Variants in SAXO1 observed in about 807,000 individuals in gnomAD.
The protein encoded by SAXO1 is 4930500O09Rik.
Under a neutral mutation model 17.5 loss-of-function variants are expected in SAXO1, and 21 were observed. The observed-to-expected ratio is 1.20, with a 90% CI of 0.85 to 1.72. The LOEUF (loss-of-function observed/expected upper bound fraction) is 1.72, where lower values mean the gene tolerates loss of function less well. Among genes scored for constraint, SAXO1 ranks in the 40% most tolerant of loss-of-function variants. The probability of loss-of-function intolerance (pLI) is 0.00; values close to 1 mark genes in which losing one functional copy is unlikely to be tolerated. For synonymous variants in SAXO1, 274 were observed against 216.5 expected, an observed-to-expected ratio of 1.27 and a Z score of -2.33; for missense variants, 843 against 596.0, an observed-to-expected ratio of 1.41 and a Z score of -4.32.
chr9:18,946,012 C>G (rs1831778214), intron 2 of SAXO1, among the ~76,000 whole-genome samples: 1 of 152,106 alleles, frequency 6.6e-6, no homozygotes, highest in South Asian at 2.1e-4. Flanking sequence ...CACGGTGGCC[C>G]ATGCTTGTAA....
chr9:19,000,441 G>A (rs536074590), intron 1 of SAXO1, among the ~76,000 whole-genome samples: 2 of 151,492 alleles, frequency 1.3e-5, no homozygotes, highest in South Asian at 2.1e-4. Flanking sequence ...GAATGCCTCT[G>A]CCAGGCCGCC....
At chr9:19,026,734 T>C (rs1186788867) in intron 1 of SAXO1, among the ~76,000 whole-genome samples, 1 of 152,206 alleles carries the variant, frequency 6.6e-6, no homozygotes, top group Non-Finnish European at 1.5e-5. Flanking sequence ...GGTGGTTTAA[T>C]ATTATAAAAT....
At chr9:19,012,177 G>T (rs184264132) in intron 1 of SAXO1, among the ~76,000 whole-genome samples, 2 of 152,258 alleles carry the variant, frequency 1.3e-5, no homozygotes, top group Admixed American at 1.3e-4. Context: ...GAGGAAAAAA[G>T]ATGAGGCATA....
At chr9:18,967,985 C>T (rs1331880174) in intron 1 of SAXO1, among the ~76,000 whole-genome samples, 3 of 152,140 alleles carry the variant, frequency 2.0e-5, no homozygotes, top group East Asian at 3.9e-4. Context: ...TCACAGCCTC[C>T]GATGGCTAAG....
At position 18,927,943 on chromosome 9, in the gene SAXO1, TG is replaced by T. The variant is rs1266771926; in HGVS notation, c.*108del. 2 of 1,267,482 alleles carry T rather than the reference TG, an allele frequency of 1.6e-6. No homozygotes were observed. Among genetic ancestry groups the T allele is most frequent in the Admixed American group, 4.8e-5 (2 of 41,718 alleles). The allele number at this position is 1,267,482 out of a possible 1,614,324, so 78.5% of individuals were successfully genotyped here. On this transcript the variant is annotated 3_prime_UTR_variant, in exon 4 of 4. Transcript: ENST00000380534. Reference sequence around the variant, plus strand: ...TGCTCTGGAAGTGGTGAAGGTTTTTTGTTTTTTGTTTTTTGTCATTTTAGGG... The same window carrying T: ...TGCTCTGGAAGTGGTGAAGGTTTTTTTTTTTTGTTTTTTGTCATTTTAGGG...
At chr9:19,031,330 G>C (rs1588565374) in intron 1 of SAXO1, among the ~76,000 whole-genome samples, 1 of 152,120 alleles carries the variant, frequency 6.6e-6, no homozygotes, top group South Asian at 2.1e-4. Flanking sequence ...GGGAGGCCGA[G>C]GCAGGCGATC....
intron 1 of SAXO1, among the ~76,000 whole-genome samples, chr9:19,000,989 G>C (rs1383403626): frequency 6.6e-6 from 1 of 152,092 alleles, no homozygotes; most frequent in Non-Finnish European, 1.5e-5. Context: ...AATAATAATG[G>C]AAGACTTTAA....
At chr9:18,965,909 T>G (rs1286864272) in intron 1 of SAXO1, among the ~76,000 whole-genome samples, 2 of 152,242 alleles carry the variant, frequency 1.3e-5, no homozygotes, top group Non-Finnish European at 2.9e-5. Context: ...ATTTAGTGCT[T>G]CCTTCAGGAG....
intron 1 of SAXO1, among the ~76,000 whole-genome samples, chr9:18,992,887 A>G (rs6475304): frequency 0.67 from 102,220 of 151,752 alleles, 35,048 homozygotes; most frequent in Non-Finnish European, 0.75. Flanking sequence ...TCCTGCCTCT[A>G]CCTCCTGGGT....
intron 1 of SAXO1, among the ~76,000 whole-genome samples, chr9:19,021,539 C>T (rs904963735): frequency 1.1e-4 from 16 of 152,058 alleles, no homozygotes; most frequent in African/African-American, 3.4e-4. Flanking sequence ...CCTGAAAAAA[C>T]ACCGCTATAG....
At chr9:19,029,457 C>G (rs1273138466) in intron 1 of SAXO1, among the ~76,000 whole-genome samples, 1 of 152,186 alleles carries the variant, frequency 6.6e-6, no homozygotes, top group East Asian at 1.9e-4. Flanking sequence ...TCCAGATTTC[C>G]CATTGCTTTT....
At chr9:18,993,810 C>A (rs1452233137) in intron 1 of SAXO1, among the ~76,000 whole-genome samples, 3 of 152,084 alleles carry the variant, frequency 2.0e-5, no homozygotes, top group African/African-American at 7.2e-5. Flanking sequence ...TCACCCTATG[C>A]CATCAATATC....
At chr9:18,964,876 T>G (rs911658065) in intron 1 of SAXO1, among the ~76,000 whole-genome samples, 3 of 152,258 alleles carry the variant, frequency 2.0e-5, no homozygotes, top group Non-Finnish European at 4.4e-5. Context: ...CTTTCCTGCT[T>G]TCTCCTGTGT....
intron 1 of SAXO1, among the ~76,000 whole-genome samples, chr9:18,999,404 C>T (rs1487751309): frequency 6.6e-6 from 1 of 152,168 alleles, no homozygotes; most frequent in Non-Finnish European, 1.5e-5. Flanking sequence ...AGCACCTCCG[C>T]CCAGCCGCCC....
chr9:19,027,410 G>A (rs946571305), intron 1 of SAXO1: 3 of 756,392 alleles, frequency 4.0e-6, no homozygotes, highest in African/African-American at 3.4e-5. Context: ...GACACTGGGG[G>A]CTTGGACAAG....
At chr9:19,046,810 G>A (rs907318494) in intron 1 of SAXO1, among the ~76,000 whole-genome samples, 1 of 152,138 alleles carries the variant, frequency 6.6e-6, no homozygotes, top group African/African-American at 2.4e-5. Context: ...TGGCTGCAGT[G>A]AGCTATGATC....
At chr9:19,013,920 C>T (rs971399232) in intron 1 of SAXO1, among the ~76,000 whole-genome samples, 17 of 152,100 alleles carry the variant, frequency 1.1e-4, no homozygotes, top group Non-Finnish European at 2.4e-4. Flanking sequence ...ATTTAGCAGG[C>T]ACCCAGTTCG....
intron 2 of SAXO1, among the ~76,000 whole-genome samples, chr9:18,943,903 T>C (rs1049790937): frequency 2.8e-4 from 42 of 152,364 alleles, no homozygotes; most frequent in African/African-American, 9.4e-4. Context: ...CAGCCTCTTC[T>C]GCAGTTACTC....
chr9:18,944,942 A>G (rs1323209336), intron 2 of SAXO1, among the ~76,000 whole-genome samples: 2 of 152,198 alleles, frequency 1.3e-5, no homozygotes, highest in Non-Finnish European at 2.9e-5. Flanking sequence ...AATCCATCTT[A>G]AAAGGAGTTC....
Sources: gnomAD v4.1 joint callset for allele counts (sites outside exome capture counted in the v4.1 genomes callset) on GRCh38, gnomAD v4.1.1 for gene constraint, MANE v1.5 for transcripts, NCBI Gene and HGNC (gene_info 2026-07-23, HGNC 2026-07-21) for gene names.